The following SLC39A11 variants were observed in gnomAD, a reference collection of about 807,000 sequenced individuals.
SLC39A11 encodes the protein solute carrier family 39 member 11.
Under a neutral mutation model 36.1 loss-of-function variants are expected in SLC39A11, and 33 were observed. That is an observed-to-expected ratio of 0.91 (90% CI 0.69 to 1.22). The LOEUF is 1.22. Ranked by LOEUF, SLC39A11 falls within the 50% of genes most tolerant of loss-of-function variation. The pLI is 0.00. For synonymous variants in SLC39A11, 166 were observed against 170.3 expected (o/e 0.97, Z 0.20); for missense variants, 432 against 430.3 (o/e 1.00, Z -0.03).
chr17:72,679,307 G>T (rs1483968227), intron 7 of SLC39A11, among the ~76,000 whole-genome samples: 2 of 152,180 alleles, frequency 1.3e-5, no homozygotes, highest in Non-Finnish European at 2.9e-5. Context: ...AAAGATAAAC[G>T]TTTGCTGTGA....
At chr17:72,971,729 C>A (rs1216247081) in intron 4 of SLC39A11, among the ~76,000 whole-genome samples, 1 of 130,404 alleles carries the variant, frequency 7.7e-6, no homozygotes, top group Non-Finnish European at 1.6e-5. Flanking sequence ...CATATGCAAC[C>A]GGGATGCCAC....
chr17:72,742,636 C>T (rs1322760666), intron 6 of SLC39A11, among the ~76,000 whole-genome samples: 1 of 152,216 alleles, frequency 6.6e-6, no homozygotes, highest in Admixed American at 6.5e-5. Context: ...AGCTGGTTGA[C>T]TCTTTTGTTA....
rs1567912027 is a variant in SLC39A11, at chr17:72,900,140, A to AAAG, written c.430+47611_430+47612insCTT. ...AAGAAAGAAAAGAAAGAAAGAAAGA[A>AAAG]AAAGAAAGAAAGAAAAGAAAGAAAG... On this transcript the variant is annotated intron_variant, in intron 5 of 9. Transcript: ENST00000255559. Among the ~76,000 whole-genome samples, 303 of 43,890 alleles carry AAAG rather than the reference A, an allele frequency of 6.9e-3. 43 individuals carry two copies. The highest frequency in any genetic ancestry group is 0.04 in the African/African-American group (290 of 7,314). The allele number at this position is 43,890 out of a possible 152,430, so 28.8% of individuals were successfully genotyped here.
intron 6 of SLC39A11, among the ~76,000 whole-genome samples, chr17:72,741,117 T>G (rs192872893): frequency 3.1e-4 from 47 of 152,330 alleles, no homozygotes; most frequent in African/African-American, 1.1e-3. Context: ...TTGAGCTCAC[T>G]GCAACAGCAA....
intron 6 of SLC39A11, among the ~76,000 whole-genome samples, chr17:72,749,288 C>T (rs1356306565): frequency 1.3e-5 from 2 of 152,138 alleles, no homozygotes; most frequent in Non-Finnish European, 1.5e-5. Context: ...AAGCTTGCAA[C>T]CCGGTAGCAA....
chr17:73,088,747 G>A lies in SLC39A11; in HGVS notation c.18C>T (p.Ser6=), dbSNP rs1338481222. 3 of 1,608,046 alleles carry A rather than the reference G, an allele frequency of 1.9e-6. No individual in the cohort carries two copies. The South Asian group carries it at 3.3e-5, about 18-fold the overall frequency. ...TCCCCAGCAAGGCCTGGAACACAGA[G>A]CTGTGGCCTTGGAGCATGCTGGATA... MLQGH[S]SVFQALLGTF... The change falls in exon 2 of 10, where the codon AGC becomes AGT. Residue 6 remains serine (S), a synonymous_variant. Coordinates refer to ENST00000255559, the MANE Select transcript of SLC39A11 (RefSeq NM_139177.4).
chr17:72,724,460 G>T (rs569618077), intron 7 of SLC39A11, among the ~76,000 whole-genome samples: 1 of 152,230 alleles, frequency 6.6e-6, no homozygotes, highest in Admixed American at 6.5e-5. Context: ...GGGGGGGAGT[G>T]AGCTTCAGAG....
At chr17:73,033,638 T>C (rs2058810795) in intron 3 of SLC39A11, among the ~76,000 whole-genome samples, 1 of 152,204 alleles carries the variant, frequency 6.6e-6, no homozygotes, top group Non-Finnish European at 1.5e-5. Flanking sequence ...CTGTTTACTC[T>C]TACAGATGCT....
chr17:72,917,654 T>C (rs2083410784), intron 5 of SLC39A11, among the ~76,000 whole-genome samples: 1 of 152,168 alleles, frequency 6.6e-6, no homozygotes, highest in Non-Finnish European at 1.5e-5. Flanking sequence ...AGGGCCCTTG[T>C]GACATGTGGA....
intron 5 of SLC39A11, among the ~76,000 whole-genome samples, chr17:72,920,659 C>A (rs9900414): frequency 0.34 from 40,419 of 119,152 alleles, 7,775 homozygotes; most frequent in East Asian, 0.46. Context: ...ACCATGTACA[C>A]CCTATACACA....
intron 3 of SLC39A11, chr17:73,073,786 G>A (rs1242265678): frequency 2.0e-5 from 3 of 152,070 alleles, no homozygotes; most frequent in African/African-American, 7.3e-5. Flanking sequence ...TCCCTGGGAG[G>A]TCACCATCCC....
chr17:72,925,544 C>G (rs149638562), intron 5 of SLC39A11, among the ~76,000 whole-genome samples: 86 of 152,290 alleles, frequency 5.6e-4, no homozygotes, highest in African/African-American at 1.9e-3. Context: ...GTGTTCCTCA[C>G]CACGGATGCA....
In SLC39A11 at chr17:72,746,605, G is replaced by A. The variant is rs2074947419; in HGVS notation, c.602-9886C>T. Among the ~76,000 whole-genome samples the A allele has an allele frequency of 3.3e-5, 5 of 152,258 alleles. No homozygotes were observed. In the South Asian group the frequency reaches 8.3e-4, roughly 25 times the overall value. ...TACAAAAAATTAGCCGGGCGTGGTG[G>A]TGGGCACCTGTAGTCCCAGCTACTC... On this transcript the variant is annotated intron_variant, in intron 6 of 9. Transcript: ENST00000255559.
intron 4 of SLC39A11, among the ~76,000 whole-genome samples, chr17:73,020,027 A>G (rs556378008): frequency 6.6e-6 from 1 of 150,528 alleles, no homozygotes; most frequent in South Asian, 2.1e-4. Context: ...CATTGAGAAT[A>G]AAACTGAAGA....
rs1012293150 is a variant in SLC39A11 at position 72,647,519 on chromosome 17, C to T, written c.*65G>A. Reference sequence around the variant, plus strand: ...TAATGTGAAGAAAGAAGCTTGTTGTCCCATAGAAGCCAACCACTGCTGTTT... The same window carrying T: ...TAATGTGAAGAAAGAAGCTTGTTGTTCCATAGAAGCCAACCACTGCTGTTT... On this transcript the variant is annotated 3_prime_UTR_variant, in exon 10 of 10. Transcript: ENST00000255559. The T allele has an allele frequency of 7.3e-7, 1 of 1,363,032 alleles. No individual in the cohort carries two copies. Among genetic ancestry groups the T allele is most frequent in the Non-Finnish European group, 1.0e-6 (1 of 973,426 alleles). The allele number at this position is 1,363,032 out of a possible 1,614,324, so 84.4% of individuals were successfully genotyped here.
intron 9 of SLC39A11, 149 bp from the exon 10 acceptor site, chr17:72,647,811 G>T: frequency 1.6e-6 from 1 of 634,228 alleles, no homozygotes; most frequent in Non-Finnish European, 2.8e-6. Flanking sequence ...CTATGTGCCA[G>T]GCAAACTAAT....
At chr17:73,000,518 C>T (rs933688589) in intron 4 of SLC39A11, among the ~76,000 whole-genome samples, 4 of 152,140 alleles carry the variant, frequency 2.6e-5, no homozygotes, top group Admixed American at 2.0e-4. Context: ...AACAGTTCAG[C>T]GACTTGGTTT....
At chr17:72,755,507 G>A (rs756011017) in intron 6 of SLC39A11, among the ~76,000 whole-genome samples, 2 of 152,216 alleles carry the variant, frequency 1.3e-5, no homozygotes, top group Admixed American at 6.5e-5. Context: ...AATAACAGCC[G>A]ACAATCAAGG....
intron 7 of SLC39A11, among the ~76,000 whole-genome samples, chr17:72,650,928 AG>A (rs1404430231): frequency 1.3e-5 from 2 of 152,204 alleles, no homozygotes; most frequent in African/African-American, 2.4e-5. Flanking sequence ...CCTCTAACAA[AG>A]AACACCAAGG....
Sources: gnomAD v4.1 joint callset for allele counts (sites outside exome capture counted in the v4.1 genomes callset) on GRCh38, gnomAD v4.1.1 for gene constraint, MANE v1.5 for transcripts, NCBI Gene and HGNC (gene_info 2026-07-23, HGNC 2026-07-21) for gene names.